The following TTC34 variants were observed in gnomAD, a reference collection of about 807,000 sequenced individuals.
The protein encoded by TTC34 is tetratricopeptide repeat protein 34.
Under a neutral mutation model 40.7 loss-of-function variants are expected in TTC34, and 44 were observed. That is an observed-to-expected ratio of 1.08 (90% CI 0.85 to 1.39). The LOEUF (loss-of-function observed/expected upper bound fraction) is 1.39, where lower values mean the gene tolerates loss of function less well. Among genes scored for constraint, TTC34 ranks in the 40% most tolerant of loss-of-function variants. The pLI is 0.00. For synonymous variants in TTC34, 422 were observed against 398.6 expected (o/e 1.06, Z -0.70); for missense variants, 884 against 838.0 (o/e 1.05, Z -0.68).
chr1:2,764,408 A>T (rs1641734108), intron 6 of TTC34, among the ~76,000 whole-genome samples: 1 of 147,830 alleles, frequency 6.8e-6, no homozygotes, highest in African/African-American at 2.5e-5. Context: ...GACAGCCTGG[A>T]GCAGCACCCA....
intron 6 of TTC34, among the ~76,000 whole-genome samples, chr1:2,687,903 G>A (rs1190591007): frequency 2.0e-5 from 3 of 152,232 alleles, no homozygotes; most frequent in Admixed American, 6.5e-5. Context: ...GTGAGCATCT[G>A]ACAGACTGGA....
intron 6 of TTC34, among the ~76,000 whole-genome samples, chr1:2,781,756 T>G (rs1421905775): frequency 6.6e-6 from 1 of 152,256 alleles, no homozygotes; most frequent in Non-Finnish European, 1.5e-5. Context: ...CAAATGCTTT[T>G]CTGCATCAGT....
At chr1:2,791,374 A>T (rs1242476697) in intron 2 of TTC34, among the ~76,000 whole-genome samples, 1 of 152,224 alleles carries the variant, frequency 6.6e-6, no homozygotes, top group Non-Finnish European at 1.5e-5. Context: ...CCTCTGCTTC[A>T]GTGCTTTTTG....
intron 6 of TTC34, among the ~76,000 whole-genome samples, chr1:2,655,596 T>A (rs1357971180): frequency 2.8e-4 from 38 of 136,024 alleles, no homozygotes; most frequent in African/African-American, 1.0e-3. Context: ...TCTGACAGCC[T>A]GGAACAGCAC....
At chr1:2,749,942 ACGGCC>A in intron 6 of TTC34, among the ~76,000 whole-genome samples, 1 of 79,438 alleles carries the variant, frequency 1.3e-5, no homozygotes, top group African/African-American at 6.8e-5. Flanking sequence ...CGAGCATCTG[ACGGCC>A]TGGAACAGCA....
Position 2,752,514 on chromosome 1 carries a change from C to T in TTC34, c.2226+31095G>A, listed in dbSNP as rs1641356666. On this transcript the variant is annotated intron_variant, in intron 6 of 8. Transcript: ENST00000401095. ...CACAGCCAGGTGAGCATCTGACAGC[C>T]TGGAGCAGCACCCACATCCCCAGGT... Among the ~76,000 whole-genome samples the T allele has an allele frequency of 2.8e-5, 4 of 142,334 alleles. 1 individual carries two copies. The South Asian group carries it at 9.3e-4, about 33-fold the overall frequency. 93.4% of individuals were successfully genotyped at this position (142,334 alleles called of 152,430 possible).
At chr1:2,789,568 G>A in exon 3 of TTC34, 1 of 1,484,822 alleles carries the variant, frequency 6.7e-7, no homozygotes, top group African/African-American at 1.4e-5. Flanking sequence ...TGGACGGCCC[G>A]GCGCGTGGAG....
intron 6 of TTC34, among the ~76,000 whole-genome samples, chr1:2,750,617 C>G (rs1641286266): frequency 6.6e-6 from 1 of 152,200 alleles, no homozygotes; most frequent in Admixed American, 6.5e-5. Flanking sequence ...CACAGGTGAG[C>G]ATCTGACAGC....
chr1:2,779,425 G>T (rs1021769868), intron 6 of TTC34, among the ~76,000 whole-genome samples: 2 of 152,102 alleles, frequency 1.3e-5, no homozygotes, highest in Admixed American at 6.5e-5. Flanking sequence ...CCGGGTTCAA[G>T]CGATTCTCCT....
intron 6 of TTC34, among the ~76,000 whole-genome samples, chr1:2,750,562 C>A (rs1641282122): frequency 1.3e-5 from 2 of 151,960 alleles, no homozygotes; most frequent in Non-Finnish European, 2.9e-5. Flanking sequence ...GCAGCACCCA[C>A]ACCCCCAGGT....
chr1:2,789,547 G>T lies in TTC34; in HGVS notation c.1584C>A (p.Gly528=). ...CGCCCGTCTCTGCGGCCTCCCTCCG[G>T]CCCTGCGCTCTGGACGGCCCGGCGC... The change falls in exon 3 of 9, where the codon GGC becomes GGA. Residue 528 remains glycine (G), a synonymous_variant. Coordinates refer to ENST00000401095, the Ensembl canonical transcript of TTC34. The T allele has an allele frequency of 2.0e-6, 3 of 1,497,688 alleles. No homozygotes were observed. The East Asian group carries it at 8.2e-5, about 41-fold the overall frequency. The allele number at this position is 1,497,688 out of a possible 1,614,324, so 92.8% of individuals were successfully genotyped here.
chr1:2,779,354 C>T (rs899010002), intron 6 of TTC34, among the ~76,000 whole-genome samples: 9 of 151,800 alleles, frequency 5.9e-5, no homozygotes, highest in African/African-American at 9.7e-5. Context: ...GCTGGAGTCT[C>T]GCTCTGTCGC....
intron 2 of TTC34, among the ~76,000 whole-genome samples, chr1:2,798,461 G>T: frequency 1.3e-5 from 1 of 78,046 alleles, no homozygotes; most frequent in South Asian, 5.3e-4. Flanking sequence ...CAGCCCCCCA[G>T]CCTCCCAGCC....
At chr1:2,692,275 G>T (rs372297880) in intron 6 of TTC34, among the ~76,000 whole-genome samples, 1 of 74,678 alleles carries the variant, frequency 1.3e-5, no homozygotes, top group South Asian at 4.2e-4. Flanking sequence ...CCTCAGGTGA[G>T]CATCTGACAG....
At chr1:2,700,202 G>A (rs1363588890) in intron 6 of TTC34, among the ~76,000 whole-genome samples, 1 of 84,606 alleles carries the variant, frequency 1.2e-5, no homozygotes, top group Non-Finnish European at 2.8e-5. Flanking sequence ...GCCTGGAGCA[G>A]CGCCGACCCC....
chr1:2,688,209 C>G (rs528874693), intron 6 of TTC34, among the ~76,000 whole-genome samples: 13 of 127,160 alleles, frequency 1.0e-4, no homozygotes, highest in East Asian at 6.9e-4. Context: ...CACCCCACAC[C>G]CCCAGGGGAG....
chr1:2,675,087 G>T (rs1452194090), intron 6 of TTC34, among the ~76,000 whole-genome samples: 4 of 126,674 alleles, frequency 3.2e-5, no homozygotes, highest in Non-Finnish European at 1.8e-5. Flanking sequence ...ACACACCCAG[G>T]CGAGCATCTG....
intron 6 of TTC34, among the ~76,000 whole-genome samples, chr1:2,691,699 C>A (rs1395404977): frequency 2.2e-5 from 2 of 88,950 alleles, no homozygotes; most frequent in African/African-American, 7.3e-5. Flanking sequence ...CAACAGCACC[C>A]ACATCCCCAG....
chr1:2,749,519 C>T (rs1418575661), intron 6 of TTC34, among the ~76,000 whole-genome samples: 1 of 65,666 alleles, frequency 1.5e-5, no homozygotes, highest in Non-Finnish European at 2.6e-5. Flanking sequence ...GAGCAGCACC[C>T]AGATTCCCAG....
Sources: gnomAD v4.1 joint callset for allele counts (sites outside exome capture counted in the v4.1 genomes callset) on GRCh38, gnomAD v4.1.1 for gene constraint, MANE v1.5 for transcripts, NCBI Gene and HGNC (gene_info 2026-07-23, HGNC 2026-07-21) for gene names.